The following KIRREL3 variants were observed in gnomAD, a reference collection of about 807,000 sequenced individuals.
KIRREL3 encodes the protein kin of IRRE-like protein 3.
KIRREL3 carries 36 observed loss-of-function variants against 89.7 expected under a neutral mutation model. The observed-to-expected ratio is 0.40, with a 90% CI of 0.31 to 0.53. KIRREL3 has a LOEUF of 0.53. Among genes scored for constraint, KIRREL3 ranks in the 20% least tolerant of loss-of-function variants. The pLI is 0.49. For missense variants in KIRREL3, 864 were observed against 1,056.6 expected, an observed-to-expected ratio of 0.82 and a Z score of 2.53; for synonymous variants, 445 against 441.4, an observed-to-expected ratio of 1.01 and a Z score of -0.10.
In KIRREL3 at chr11:126,686,954, T is replaced by C. The variant is rs1275709904; in HGVS notation, c.56-124042A>G. 6.6e-6 allele frequency among the ~76,000 whole-genome samples: 1 copy of C among 151,656 alleles called. No homozygotes were observed. Among genetic ancestry groups the C allele is most frequent in the Non-Finnish European group, 1.5e-5 (1 of 67,934 alleles). On this transcript the variant is annotated intron_variant, in intron 1 of 16. Coordinates refer to ENST00000525144, the MANE Select transcript of KIRREL3 (RefSeq NM_032531.4). The surrounding 1 kb of genome is among the most constrained non-coding windows in gnomAD (Gnocchi z 4.7). ...GGAAGGAAGGTCACATTGAGAAGAG[T>C]CAAATTCAGAAGGCCTGACAGAGAT...
At chr11:126,725,516 T>G (rs895890595) in intron 1 of KIRREL3, among the ~76,000 whole-genome samples, 5 of 152,228 alleles carry the variant, frequency 3.3e-5, no homozygotes, top group African/African-American at 1.2e-4. Context: ...AACATTATCA[T>G]GCCCATGGGT....
At chr11:126,440,598 G>A (rs1165586484) in intron 10 of KIRREL3, 49 bp from the exon 11 acceptor site, 1 of 1,495,658 alleles carries the variant, frequency 6.7e-7, no homozygotes, top group Non-Finnish European at 9.1e-7. Context: ...GCACGTCCCT[G>A]CTGGCGCCCT....
At position 126,709,870 on chromosome 11, in the gene KIRREL3, C is replaced by T. The variant is rs1319315444; in HGVS notation, c.56-146958G>A. ...GCATTGTCCAAGGGAGCTGGAGAGG[C>T]TGAGCACTGGGGCACGAGGGTAGGT... On this transcript the variant is annotated intron_variant, in intron 1 of 16. Coordinates refer to ENST00000525144, the MANE Select transcript of KIRREL3 (RefSeq NM_032531.4). This position sits in a 1 kb window ranked among gnomAD's most constrained non-coding sequence, Gnocchi z 4.0. Among the ~76,000 whole-genome samples the T allele has an allele frequency of 1.3e-5, 2 of 152,190 alleles. No individual in the cohort carries two copies. The highest frequency in any genetic ancestry group is 4.8e-5 in the African/African-American group (2 of 41,444).
intron 1 of KIRREL3, among the ~76,000 whole-genome samples, chr11:126,671,685 C>G (rs769755002): frequency 1.3e-5 from 2 of 151,626 alleles, no homozygotes; most frequent in Admixed American, 1.3e-4. Context: ...AAAAGATGAT[C>G]TATAGCATCT....
At position 126,576,425 on chromosome 11, in the gene KIRREL3, A is replaced by G. The variant is rs1043741460; in HGVS notation, c.56-13513T>C. 5.9e-5 allele frequency among the ~76,000 whole-genome samples: 9 copies of G among 152,162 alleles called. No individual in the cohort carries two copies. The highest frequency in any genetic ancestry group is 2.2e-4 in the African/African-American group (9 of 41,432). On this transcript the variant is annotated intron_variant, in intron 1 of 16. Coordinates refer to ENST00000525144, the MANE Select transcript of KIRREL3 (RefSeq NM_032531.4). The surrounding 1 kb of genome is among the most constrained non-coding windows in gnomAD (Gnocchi z 5.4). ...TCTGTGTCAGTTCTGGCTGTTATGG[A>G]TATTGTGATGAACAAGACAGAGAAG...
intron 1 of KIRREL3, among the ~76,000 whole-genome samples, chr11:126,701,476 T>G (rs1478513490): frequency 2.0e-5 from 3 of 152,052 alleles, no homozygotes; most frequent in Non-Finnish European, 4.4e-5. Context: ...AGCTCTTTCT[T>G]CTTGGTGGCT....
chr11:126,759,313 TGAGATAGGGTTTCACCATATTGGCCA>T (rs1428235303), intron 1 of KIRREL3, among the ~76,000 whole-genome samples: 7 of 151,996 alleles, frequency 4.6e-5, no homozygotes, highest in Non-Finnish European at 1.0e-4. Flanking sequence ...TATTTTTAGT[TGAGATAGGGTTTCACCATATTGGCCA>T]GGTTGGTCTC....
intron 1 of KIRREL3, among the ~76,000 whole-genome samples, chr11:126,737,266 G>C (rs3862643): frequency 0.41 from 62,960 of 151,830 alleles, 14,561 homozygotes; most frequent in East Asian, 0.89. Context: ...GCTCAGGAAG[G>C]GGGCAGGGAG....
chr11:126,710,593 A>G lies in KIRREL3; in HGVS notation c.56-147681T>C, dbSNP rs1330048297. ...CACCCTGTGAATAACCATCACCCCC[A>G]TATCTACTAGGGCAGGCACCCCTTC... On this transcript the variant is annotated intron_variant, in intron 1 of 16. Coordinates refer to ENST00000525144, the MANE Select transcript of KIRREL3 (RefSeq NM_032531.4). The surrounding 1 kb of genome is among the most constrained non-coding windows in gnomAD (Gnocchi z 4.2). Among the ~76,000 whole-genome samples the G allele has an allele frequency of 6.6e-6, 1 of 152,094 alleles. No homozygotes were observed. The highest frequency in any genetic ancestry group is 1.5e-5 in the Non-Finnish European group (1 of 68,018).
chr11:126,892,375 G>C lies in KIRREL3; in HGVS notation c.55+108080C>G, dbSNP rs1037459622. 6.6e-6 allele frequency among the ~76,000 whole-genome samples: 1 copy of C among 152,094 alleles called. No homozygotes were observed. The highest frequency in any genetic ancestry group is 2.1e-4 in the South Asian group (1 of 4,818). On this transcript the variant is annotated intron_variant, in intron 1 of 16. Coordinates refer to ENST00000525144, the MANE Select transcript of KIRREL3 (RefSeq NM_032531.4). The surrounding 1 kb of genome is among the most constrained non-coding windows in gnomAD (Gnocchi z 5.4). Reference sequence around the variant, plus strand: ...CCAACTGTCTTTCTCACTGCTTGTGGTTTGTAAGTTTTATGACTCGATTTT... The same window carrying C: ...CCAACTGTCTTTCTCACTGCTTGTGCTTTGTAAGTTTTATGACTCGATTTT...
At position 126,763,962 on chromosome 11, in the gene KIRREL3, C is replaced by G. The variant is rs569955980; in HGVS notation, c.56-201050G>C. On this transcript the variant is annotated intron_variant, in intron 1 of 16. Transcript: ENST00000525144. This position sits in a 1 kb window ranked among gnomAD's most constrained non-coding sequence, Gnocchi z 4.7. Reference sequence around the variant, plus strand: ...CTTTTCCTGTATCTTTTTTCCCCCACAACTCTGCATTCCCCTCCCCATCCA... The same window carrying G: ...CTTTTCCTGTATCTTTTTTCCCCCAGAACTCTGCATTCCCCTCCCCATCCA... 7.2e-5 allele frequency among the ~76,000 whole-genome samples: 11 copies of G among 152,252 alleles called. No homozygotes were observed. In the South Asian group the frequency reaches 2.3e-3, roughly 32 times the overall value.
chr11:126,994,677 C>T lies in KIRREL3; in HGVS notation c.55+5778G>A, dbSNP rs1479914210. On this transcript the variant is annotated intron_variant, in intron 1 of 16. Coordinates refer to ENST00000525144, the MANE Select transcript of KIRREL3 (RefSeq NM_032531.4). The surrounding 1 kb of genome is among the most constrained non-coding windows in gnomAD (Gnocchi z 5.2). ...AAAAAGAATTAAAAAGCATAATGGT[C>T]CTAGCTCCTTCAGTGAGTTAGAAGC... 6.6e-6 allele frequency among the ~76,000 whole-genome samples: 1 copy of T among 152,142 alleles called. No homozygotes were observed. Among genetic ancestry groups the T allele is most frequent in the Admixed American group, 6.5e-5 (1 of 15,284 alleles).
At chr11:126,679,712 C>T (rs1946363510) in intron 1 of KIRREL3, among the ~76,000 whole-genome samples, 1 of 152,162 alleles carries the variant, frequency 6.6e-6, no homozygotes, top group African/African-American at 2.4e-5. Flanking sequence ...TTCCACATGA[C>T]CCACTAAAAT....
rs1949566379 is a variant in KIRREL3, at chr11:126,976,043, G to A, written c.55+24412C>T. ...AGGACAGAGCATACCCATTCCAGAT[G>A]TGGGTCACATCAGCAGAGGGTGCCA... On this transcript the variant is annotated intron_variant, in intron 1 of 16. Coordinates refer to ENST00000525144, the MANE Select transcript of KIRREL3 (RefSeq NM_032531.4). The surrounding 1 kb of genome is among the most constrained non-coding windows in gnomAD (Gnocchi z 4.2). 6.6e-6 allele frequency among the ~76,000 whole-genome samples: 1 copy of A among 151,040 alleles called. No homozygotes were observed. The highest frequency in any genetic ancestry group is 1.5e-5 in the Non-Finnish European group (1 of 67,886).
rs528374300 is a variant in KIRREL3 at position 126,533,207 on chromosome 11, C to T, written c.134-6520G>A. Among the ~76,000 whole-genome samples, 3 of 152,300 alleles carry T rather than the reference C, an allele frequency of 2.0e-5. No homozygotes were observed. The East Asian group carries it at 5.8e-4, about 29-fold the overall frequency. On this transcript the variant is annotated intron_variant, in intron 2 of 16. Transcript: ENST00000525144. Reference sequence around the variant, plus strand: ...GAGTCCTATGAGATAGGTACCGTATCACACCTACGTGAAGATGAGGTTGTC... The same window carrying T: ...GAGTCCTATGAGATAGGTACCGTATTACACCTACGTGAAGATGAGGTTGTC...
chr11:126,435,580 G>C (rs1012616030), intron 12 of KIRREL3, among the ~76,000 whole-genome samples: 2 of 152,126 alleles, frequency 1.3e-5, no homozygotes, highest in Non-Finnish European at 2.9e-5. Context: ...ATGGGGATGG[G>C]GGCACCAAGG....
At chr11:126,835,701 G>A (rs1361720463) in intron 1 of KIRREL3, among the ~76,000 whole-genome samples, 1 of 152,238 alleles carries the variant, frequency 6.6e-6, no homozygotes, top group Non-Finnish European at 1.5e-5. Flanking sequence ...GATGGGTATT[G>A]AAGTGTGGTG....
At chr11:126,567,868 T>C (rs1940631930) in intron 1 of KIRREL3, among the ~76,000 whole-genome samples, 1 of 152,072 alleles carries the variant, frequency 6.6e-6, no homozygotes, top group Admixed American at 6.6e-5. Context: ...ATGGAGCCGG[T>C]GACAACGGAT....
At chr11:126,679,461 G>C (rs1456155907) in intron 1 of KIRREL3, among the ~76,000 whole-genome samples, 1 of 152,170 alleles carries the variant, frequency 6.6e-6, no homozygotes, top group African/African-American at 2.4e-5. Flanking sequence ...CCCTTTAAGG[G>C]AGCTACTATG....
Sources: gnomAD v4.1 joint callset for allele counts (sites outside exome capture counted in the v4.1 genomes callset) on GRCh38, gnomAD v4.1.1 for gene constraint, Gnocchi (gnomAD v3.1) non-coding constraint, MANE v1.5 for transcripts, NCBI Gene and HGNC (gene_info 2026-07-23, HGNC 2026-07-21) for gene names.